The following PTPN22 variants were observed in gnomAD, a reference collection of about 807,000 sequenced individuals.
PTPN22 encodes the protein tyrosine-protein phosphatase non-receptor type 22.
In PTPN22, 85 loss-of-function variants were observed where a neutral mutation model predicts 103.3. The ratio of observed to expected loss-of-function variants is 0.82; its 90% confidence interval spans 0.69 to 0.99. The LOEUF is 0.99. Ranked by LOEUF, PTPN22 falls within the 50% of genes least tolerant of loss-of-function variation. PTPN22 has a pLI of 0.00. For synonymous variants in PTPN22, 323 were observed against 310.2 expected, an observed-to-expected ratio of 1.04 and a Z score of -0.43; for missense variants, 865 against 936.9, an observed-to-expected ratio of 0.92 and a Z score of 1.00.
chr1:113,862,704 T>C (rs954599986), intron 1 of PTPN22, among the ~76,000 whole-genome samples: 1 of 152,188 alleles, frequency 6.6e-6, no homozygotes, highest in African/African-American at 2.4e-5. Flanking sequence ...GGCCCTCCTG[T>C]GCTAGGTGGG....
rs1664764665 is a variant in PTPN22, at chr1:113,853,630, T to A, written c.750+841A>T. Among the ~76,000 whole-genome samples the A allele has an allele frequency of 2.0e-5, 3 of 151,562 alleles. No individual in the cohort carries two copies. In the South Asian group the frequency reaches 6.3e-4, roughly 32 times the overall value. ...CTCCCAAAGTGCTGGGATTACCGTG[T>A]GAGCCACCATGCCCGGCCAAAAATT... On this transcript the variant is annotated intron_variant, in intron 9 of 20. Transcript: ENST00000359785.
chr1:113,824,786 C>T (rs1450959718), intron 19 of PTPN22, among the ~76,000 whole-genome samples: 1 of 151,856 alleles, frequency 6.6e-6, no homozygotes, highest in Non-Finnish European at 1.5e-5. Context: ...ATCACTTGAG[C>T]CCAGGAGTTC....
At chr1:113,831,058 T>C (rs1295777146) in intron 16 of PTPN22, among the ~76,000 whole-genome samples, 1 of 152,204 alleles carries the variant, frequency 6.6e-6, no homozygotes, top group Non-Finnish European at 1.5e-5. Flanking sequence ...AAGTAGTTCA[T>C]CATCTTCCAG....
At chr1:113,828,797 G>A (rs114024096) in intron 18 of PTPN22, among the ~76,000 whole-genome samples, 2,059 of 152,010 alleles carry the variant, frequency 0.014, 54 homozygotes, top group African/African-American at 0.046. Flanking sequence ...CACCATGCCC[G>A]GCTAATTTTT....
chr1:113,852,126 T>C (rs1293527427), intron 9 of PTPN22, 22 bp from the exon 10 acceptor site: 1 of 1,537,744 alleles, frequency 6.5e-7, no homozygotes, highest in Admixed American at 1.7e-5. Flanking sequence ...AAGGGGAAAA[T>C]ATTCCTTTCA....
intron 20 of PTPN22, among the ~76,000 whole-genome samples, chr1:113,816,420 A>G (rs1469945052): frequency 1.8e-5 from 2 of 113,904 alleles, no homozygotes; most frequent in Non-Finnish European, 3.9e-5. Context: ...AAGGCTGCAG[A>G]GGGGAAAAAA....
chr1:113,854,626 T>C (rs1664888120), intron 8 of PTPN22, 89 bp from the exon 9 acceptor site: 1 of 1,320,488 alleles, frequency 7.6e-7, no homozygotes, highest in African/African-American at 1.5e-5. Flanking sequence ...ACCAGCAGAT[T>C]TGAGGAAGAA....
In PTPN22 at chr1:113,818,405, C is replaced by T. The variant is rs191092987; in HGVS notation, c.2359+1172G>A. Among the ~76,000 whole-genome samples, 31 of 152,070 alleles carry T rather than the reference C, an allele frequency of 2.0e-4. No homozygotes were observed. The East Asian group carries it at 5.0e-3, about 25-fold the overall frequency. ...GTCTCGATCTCTTGACCTCATGATC[C>T]GCCCGCCTCAGCCTCCAAAAGTGCT... On this transcript the variant is annotated intron_variant, in intron 20 of 20. Transcript: ENST00000359785.
Position 113,829,553 on chromosome 1 carries a change from A to G in PTPN22, c.2250+39T>C, listed in dbSNP as rs573565440. On this transcript the variant is annotated intron_variant, in intron 18 of 20. Transcript: ENST00000359785. ...GAGGGGGAAACTTTCAGTAAGGGAAAGTTTCCGGCATGTTTCCCAAAACTC... is the reference window on the plus strand; with the variant it reads ...GAGGGGGAAACTTTCAGTAAGGGAAGGTTTCCGGCATGTTTCCCAAAACTC... 5.1e-5 allele frequency: 63 copies of G among 1,231,832 alleles called. 1 individual carries two copies. The South Asian group carries it at 9.3e-4, about 18-fold the overall frequency. The allele number at this position is 1,231,832 out of a possible 1,614,324, so 76.3% of individuals were successfully genotyped here.
At chr1:113,842,991 T>C (rs1236697599) in intron 11 of PTPN22, among the ~76,000 whole-genome samples, 2 of 140,740 alleles carry the variant, frequency 1.4e-5, no homozygotes, top group African/African-American at 5.4e-5. Context: ...TCCTAGCTAC[T>C]TGGGAGGCTG....
intron 10 of PTPN22, 64 bp from the exon 11 acceptor site, chr1:113,848,690 C>T (rs374067924): frequency 3.4e-6 from 5 of 1,478,436 alleles, no homozygotes; most frequent in African/African-American, 2.8e-5. Flanking sequence ...AACGACAGGA[C>T]CAGATTTTAG....
intron 9 of PTPN22, among the ~76,000 whole-genome samples, chr1:113,853,935 G>C (rs1194610020): frequency 7.9e-6 from 1 of 126,972 alleles, no homozygotes; most frequent in East Asian, 2.4e-4. Flanking sequence ...GCGCGATCTT[G>C]GCTCACTGCA....
At chr1:113,870,847 G>A (rs537349005) in intron 1 of PTPN22, among the ~76,000 whole-genome samples, 478 of 152,144 alleles carry the variant, frequency 3.1e-3, no homozygotes, top group Non-Finnish European at 4.0e-3. Flanking sequence ...AGCAAGGCTC[G>A]TATCTACAAA....
intron 11 of PTPN22, among the ~76,000 whole-genome samples, chr1:113,843,274 T>G (rs1416539836): frequency 3.0e-5 from 4 of 131,940 alleles, no homozygotes; most frequent in Non-Finnish European, 6.4e-5. Context: ...GATGGATGAA[T>G]GGATAAACAA....
chr1:113,838,456 G>T, intron 12 of PTPN22, 49 bp from the exon 13 acceptor site: 1 of 1,585,758 alleles, frequency 6.3e-7, no homozygotes, highest in Non-Finnish European at 8.6e-7. Flanking sequence ...CAAACAGGCC[G>T]CTTCCTAGCA....
chr1:113,831,608 T>G (rs1230929031), intron 16 of PTPN22, among the ~76,000 whole-genome samples: 1 of 152,202 alleles, frequency 6.6e-6, no homozygotes, highest in African/African-American at 2.4e-5. Flanking sequence ...ATACACATCA[T>G]GCTCATTTCT....
chr1:113,865,482 G>A (rs888664041), intron 1 of PTPN22, among the ~76,000 whole-genome samples: 2 of 152,090 alleles, frequency 1.3e-5, no homozygotes, highest in South Asian at 2.1e-4. Flanking sequence ...GATCACGTAC[G>A]GCAAAGCACT....
intron 20 of PTPN22, 72 bp from the exon 21 acceptor site, chr1:113,815,041 GTATAT>G (rs1661046431): frequency 1.8e-6 from 2 of 1,100,696 alleles, no homozygotes; most frequent in African/African-American, 1.6e-5. Flanking sequence ...GGATTTTAGA[GTATAT>G]TATAATATAT....
chr1:113,819,665 A>G lies in PTPN22; in HGVS notation c.2282-11T>C. ...AAGAATTACAGATACCTAGAATCAAAAGAAAAAAATATAAGGGAAAGACTA... is the reference window on the plus strand; with the variant it reads ...AAGAATTACAGATACCTAGAATCAAGAGAAAAAAATATAAGGGAAAGACTA... On this transcript the variant is annotated splice_polypyrimidine_tract_variant and intron_variant, in intron 19 of 20. Transcript: ENST00000359785. The G allele has an allele frequency of 6.4e-7, 1 of 1,568,078 alleles. No individual in the cohort carries two copies. Among genetic ancestry groups the G allele is most frequent in the Non-Finnish European group, 8.7e-7 (1 of 1,146,444 alleles).
Sources: allele counts gnomAD v4.1 joint callset (sites outside exome capture counted in the v4.1 genomes callset), GRCh38; gene constraint gnomAD v4.1.1; transcripts MANE v1.5; gene names NCBI Gene and HGNC (gene_info 2026-07-23, HGNC 2026-07-21).